The following GSE1 variants were observed in gnomAD, a reference collection of about 807,000 sequenced individuals.
GSE1 encodes the protein Gse1 coiled-coil protein.
In GSE1, 32 loss-of-function variants were observed where a neutral mutation model predicts 112.6. The ratio of observed to expected loss-of-function variants is 0.28; its 90% CI spans 0.21 to 0.38. The LOEUF (loss-of-function observed/expected upper bound fraction) is 0.38, where lower values mean the gene tolerates loss of function less well. Ranked by LOEUF, GSE1 falls within the 10% of genes least tolerant of loss-of-function variation. The pLI is 1.00. For missense variants in GSE1, 2,348 were observed against 1,699.2 expected (o/e 1.38, Z -6.71); for synonymous variants, 1,115 against 735.6 (o/e 1.52, Z -8.35).
intron 1 of GSE1, among the ~76,000 whole-genome samples, chr16:85,243,621 C>A (rs1905337949): frequency 6.6e-6 from 1 of 152,178 alleles, no homozygotes. Context: ...AAAGAGCTCC[C>A]AGAGATGTTG....
intron 1 of GSE1, among the ~76,000 whole-genome samples, chr16:85,246,367 AC>A (rs1274545150): frequency 1.5e-5 from 1 of 68,408 alleles, no homozygotes; most frequent in Admixed American, 1.6e-4. Flanking sequence ...ACACACACAC[AC>A]CACACGCTGT....
At chr16:85,226,758 G>GGTGTGTGTGTGT (rs55999145) in intron 1 of GSE1, among the ~76,000 whole-genome samples, 70 of 104,972 alleles carry the variant, frequency 6.7e-4, no homozygotes, top group African/African-American at 2.1e-3. Flanking sequence ...TGCCTGGACT[G>GGTGTGTGTGTGT]GTGTGTGTGT....
intron 1 of GSE1, among the ~76,000 whole-genome samples, chr16:85,624,370 C>G (rs954366811): frequency 2.0e-5 from 3 of 152,294 alleles, no homozygotes; most frequent in African/African-American, 7.2e-5. Context: ...GGGGCGGTTC[C>G]GGCCTCTAGC....
intron 1 of GSE1, among the ~76,000 whole-genome samples, chr16:85,185,968 G>C (rs192851949): frequency 6.6e-6 from 1 of 152,228 alleles, no homozygotes; most frequent in Non-Finnish European, 1.5e-5. Context: ...GGTGGGTTCG[G>C]TCAGCAGTTT....
chr16:85,546,445 G>A (rs1473166450), intron 2 of GSE1, among the ~76,000 whole-genome samples: 1 of 152,196 alleles, frequency 6.6e-6, no homozygotes, highest in Non-Finnish European at 1.5e-5. Flanking sequence ...TCTCAGGGGT[G>A]CATTATATTA....
At chr16:85,276,165 C>G (rs10445050) in intron 1 of GSE1, among the ~76,000 whole-genome samples, 46,715 of 152,260 alleles carry the variant, frequency 0.31, 8,559 homozygotes, top group Non-Finnish European at 0.43. Context: ...CAGCTGGGAG[C>G]AGCAGGCCAG....
Position 85,403,099 on chromosome 16 carries a change from G to GC in GSE1, c.2464+45456_2464+45457insC, listed in dbSNP as rs397776216. Among the ~76,000 whole-genome samples, 21 of 151,742 alleles carry GC rather than the reference G, an allele frequency of 1.4e-4. No homozygotes were observed. The South Asian group carries it at 3.1e-3, about 23-fold the overall frequency. ...CCCTCTCCCATGGTTGCTGGGGGGG[G>GC]ACTCAGTTCCTCTGGGCCGTGGGAT... On this transcript the variant is annotated intron_variant, in intron 2 of 2. Transcript: ENST00000637419.
intron 1 of GSE1, among the ~76,000 whole-genome samples, chr16:85,194,134 C>T (rs1203565320): frequency 1.3e-5 from 2 of 152,188 alleles, no homozygotes; most frequent in African/African-American, 2.4e-5. Flanking sequence ...TCTGACTCCA[C>T]GCCCCTGAAT....
chr16:85,526,427 C>G (rs767187253), intron 2 of GSE1, among the ~76,000 whole-genome samples: 6 of 152,214 alleles, frequency 3.9e-5, no homozygotes, highest in African/African-American at 9.6e-5. Flanking sequence ...ACGGCCAGTC[C>G]CACGCGCGCC....
At chr16:85,494,198 G>A (rs1323757574) in intron 2 of GSE1, among the ~76,000 whole-genome samples, 1 of 152,236 alleles carries the variant, frequency 6.6e-6, no homozygotes, top group Non-Finnish European at 1.5e-5. Context: ...TGAAGTCAAG[G>A]CATCAGCAGG....
At chr16:85,567,672 G>C (rs527661112) in intron 1 of GSE1, among the ~76,000 whole-genome samples, 1 of 152,252 alleles carries the variant, frequency 6.6e-6, no homozygotes, top group South Asian at 2.1e-4. Context: ...TCTGTTGGTT[G>C]CAAGTGAGGG....
rs115899807 is a variant in GSE1, at chr16:85,488,570, A to G, written c.2464+130927A>G. On this transcript the variant is annotated intron_variant, in intron 2 of 2. Transcript: ENST00000637419. The stretch of plus-strand genomic sequence containing the variant: ...ACGAAATGCTCACAGCCAGACAGGG[A>G]AGGGCAGAGGCACCAGGCACTCAGG... Among the ~76,000 whole-genome samples, 1,161 of 151,660 alleles carry G rather than the reference A, an allele frequency of 7.7e-3. 15 individuals carry two copies. Among genetic ancestry groups the G allele is most frequent in the African/African-American group, 0.027 (1,107 of 41,330 alleles).
chr16:85,277,217 G>A (rs1909455043), intron 1 of GSE1, among the ~76,000 whole-genome samples: 2 of 152,160 alleles, frequency 1.3e-5, no homozygotes, highest in African/African-American at 4.8e-5. Flanking sequence ...GTGGGGCACT[G>A]TAAGGCCTGC....
At chr16:85,211,557 C>T (rs1401777366) in intron 1 of GSE1, among the ~76,000 whole-genome samples, 4 of 152,186 alleles carry the variant, frequency 2.6e-5, no homozygotes, top group African/African-American at 7.2e-5. Flanking sequence ...GCAGCTTCTC[C>T]GCAGGGCTGA....
chr16:85,497,507 C>T (rs1302860414), intron 2 of GSE1, among the ~76,000 whole-genome samples: 1 of 152,210 alleles, frequency 6.6e-6, no homozygotes, highest in Non-Finnish European at 1.5e-5. Context: ...TCACGGTTCC[C>T]TGAGAGGCAC....
chr16:85,264,567 A>AC (rs771000430), intron 1 of GSE1, among the ~76,000 whole-genome samples: 1 of 151,812 alleles, frequency 6.6e-6, no homozygotes, highest in Non-Finnish European at 1.5e-5. Flanking sequence ...ACAGCAGAGG[A>AC]CCCCCAGGGA....
At chr16:85,479,245 G>A (rs1355418222) in intron 2 of GSE1, among the ~76,000 whole-genome samples, 1 of 133,064 alleles carries the variant, frequency 7.5e-6, no homozygotes, top group Admixed American at 8.6e-5. Flanking sequence ...TGTTAGCCAG[G>A]ATGGTCTTGA....
chr16:85,382,140 A>C (rs945087790), intron 2 of GSE1, among the ~76,000 whole-genome samples: 3 of 152,100 alleles, frequency 2.0e-5, no homozygotes, highest in Admixed American at 2.0e-4. Context: ...ACCCCCACGC[A>C]ATGTGGTTAT....
chr16:85,626,774 G>A (rs924180177), intron 1 of GSE1, among the ~76,000 whole-genome samples: 7 of 152,144 alleles, frequency 4.6e-5, no homozygotes, highest in South Asian at 2.1e-4. Context: ...CGGGATCCGC[G>A]GGAGGCCGGG....
Sources: allele counts gnomAD v4.1 joint callset (sites outside exome capture counted in the v4.1 genomes callset), GRCh38; gene constraint gnomAD v4.1.1; transcripts MANE v1.5; gene names NCBI Gene and HGNC (gene_info 2026-07-23, HGNC 2026-07-21).